IL5RA: variants seen among roughly 807,000 people sequenced by gnomAD.
The protein encoded by IL5RA is interleukin-5 receptor subunit alpha.
A neutral mutation model predicts 50.0 loss-of-function variants in IL5RA; 49 were observed. The ratio of observed to expected loss-of-function variants is 0.98; its 90% confidence interval spans 0.78 to 1.24. IL5RA has a LOEUF of 1.24. Ranked by LOEUF, IL5RA falls within the 50% of genes most tolerant of loss-of-function variation. The pLI is 0.00. For missense variants in IL5RA, 600 were observed against 500.4 expected (o/e 1.20, Z -1.90); for synonymous variants, 202 against 174.0 (o/e 1.16, Z -1.26).
chr3:3,083,452 T>G (rs1370054878), intron 9 of IL5RA, among the ~76,000 whole-genome samples: 1 of 152,116 alleles, frequency 6.6e-6, no homozygotes, highest in Non-Finnish European at 1.5e-5. Flanking sequence ...TGTGCATGCG[T>G]GTATTTGTGT....
At chr3:3,089,601 A>G (rs1385405943) in intron 9 of IL5RA, among the ~76,000 whole-genome samples, 1 of 151,862 alleles carries the variant, frequency 6.6e-6, no homozygotes, top group Non-Finnish European at 1.5e-5. Flanking sequence ...GATGGCATCC[A>G]CATGCTTGAT....
Position 3,081,734 on chromosome 3 carries a change from A to G in IL5RA, c.995-5107T>C, listed in dbSNP as rs142460727. 5.3e-3 allele frequency among the ~76,000 whole-genome samples: 807 copies of G among 152,348 alleles called. 6 individuals carry two copies. Among genetic ancestry groups the G allele is most frequent in the African/African-American group, 0.019 (778 of 41,578 alleles). ...AGATTCTCACTGAATTAGCAAAAAT[A>G]TAGAGGCAACCCTGATTTTATTTCA... On this transcript the variant is annotated intron_variant, in intron 9 of 11. Transcript: ENST00000446632.
intron 5 of IL5RA, among the ~76,000 whole-genome samples, chr3:3,100,565 TC>T (rs1230819001): frequency 1.3e-5 from 2 of 152,214 alleles, no homozygotes; most frequent in African/African-American, 4.8e-5. Flanking sequence ...ATAGTTCTCA[TC>T]CAAAGAATCA....
At chr3:3,090,573 T>TC (rs1253309852) in intron 9 of IL5RA, among the ~76,000 whole-genome samples, 28 of 147,888 alleles carry the variant, frequency 1.9e-4, no homozygotes, top group African/African-American at 6.5e-4. Context: ...TTTCTTTCTT[T>TC]TTTTTTTTTT....
intron 11 of IL5RA, among the ~76,000 whole-genome samples, chr3:3,070,600 T>C (rs1157733650): frequency 8.1e-6 from 1 of 123,050 alleles, no homozygotes; most frequent in South Asian, 2.9e-4. Flanking sequence ...TTTTTTTTTT[T>C]AGACAGAGTC....
intron 9 of IL5RA, among the ~76,000 whole-genome samples, chr3:3,081,637 C>T (rs933464759): frequency 2.0e-5 from 3 of 152,184 alleles, no homozygotes; most frequent in African/African-American, 7.2e-5. Context: ...TTTCTTCTGA[C>T]CATGATTACA....
chr3:3,083,363 A>G (rs1465051593), intron 9 of IL5RA, among the ~76,000 whole-genome samples: 2 of 152,236 alleles, frequency 1.3e-5, no homozygotes, highest in African/African-American at 2.4e-5. Flanking sequence ...CACTATGTTC[A>G]TCTGGTGGAA....
chr3:3,084,345 A>C (rs1367299796), intron 9 of IL5RA, among the ~76,000 whole-genome samples: 2 of 152,236 alleles, frequency 1.3e-5, no homozygotes, highest in African/African-American at 2.4e-5. Flanking sequence ...AATTCTAAAA[A>C]TGCAGAGAGA....
At position 3,101,888 on chromosome 3, in the gene IL5RA, A is replaced by G. The variant is rs1048933579; in HGVS notation, c.229-58T>C. ...AAAGAGAACTAGACTTAAGAGAGCT[A>G]TTTTAATCAAATATGCATTTTCTTC... On this transcript the variant is annotated intron_variant, in intron 4 of 11. Transcript: ENST00000446632. 8.3e-6 allele frequency: 12 copies of G among 1,445,914 alleles called. No homozygotes were observed. The East Asian group carries it at 2.5e-4, about 31-fold the overall frequency. The allele number at this position is 1,445,914 out of a possible 1,614,324, so 89.6% of individuals were successfully genotyped here.
intron 2 of IL5RA, 87 bp from the exon 3 acceptor site, chr3:3,105,074 G>A (rs544145249): frequency 2.4e-6 from 2 of 841,656 alleles, no homozygotes; most frequent in African/African-American, 1.7e-5. Flanking sequence ...AAATGCAGTC[G>A]TTTGGCCATT....
At chr3:3,101,621 T>A in intron 5 of IL5RA, 71 bp downstream of exon 5, 2 of 1,517,136 alleles carry the variant, frequency 1.3e-6, no homozygotes, top group Non-Finnish European at 1.8e-6. Context: ...TGGGTTAGTG[T>A]TAATTTTTCT....
Position 3,092,094 on chromosome 3 carries a change from C to A in IL5RA, c.994+130G>T. 4.2e-6 allele frequency: 6 copies of A among 1,445,602 alleles called. No homozygotes were observed. Among genetic ancestry groups the A allele is most frequent in the South Asian group, 1.5e-5 (1 of 64,894 alleles). The allele number at this position is 1,445,602 out of a possible 1,614,324, so 89.5% of individuals were successfully genotyped here. A position where few individuals can be genotyped will look rare whatever the true frequency, so the allele number is the denominator to read the frequency against. On this transcript the variant is annotated intron_variant, in intron 9 of 11. Transcript: ENST00000446632. The surrounding 1 kb of genome is among the most constrained non-coding windows in gnomAD (Gnocchi z 4.2). ...ATTCCTGATTGAAAAGGCAGTAGAC[C>A]GAGAGAAAATTAGTCACAATAGAGA...
intron 5 of IL5RA, among the ~76,000 whole-genome samples, chr3:3,098,869 G>C (rs963934434): frequency 6.6e-6 from 1 of 152,280 alleles, no homozygotes; most frequent in Middle Eastern, 3.4e-3. Flanking sequence ...AAGTTCAAGA[G>C]AAGTACAATA....
At chr3:3,073,991 C>G (rs1702389377) in intron 11 of IL5RA, among the ~76,000 whole-genome samples, 1 of 152,184 alleles carries the variant, frequency 6.6e-6, no homozygotes, top group East Asian at 1.9e-4. Context: ...ATAGAACCAA[C>G]TACATACAGC....
At position 3,101,600 on chromosome 3, in the gene IL5RA, C is replaced by G. The variant is rs897643483; in HGVS notation, c.367+92G>C. On this transcript the variant is annotated intron_variant, in intron 5 of 11. Transcript: ENST00000446632. ...GTACTTGAGAAGAACGGGTGACTGACTAAAGAAAAGTGGGTTAGTGTTAAT... is the reference window on the plus strand; with the variant it reads ...GTACTTGAGAAGAACGGGTGACTGAGTAAAGAAAAGTGGGTTAGTGTTAAT... 32 of 1,319,360 alleles carry G rather than the reference C, an allele frequency of 2.4e-5. No homozygotes were observed. In the Admixed American group the frequency reaches 3.7e-4, roughly 15 times the overall value. The allele number at this position is 1,319,360 out of a possible 1,614,324, so 81.7% of individuals were successfully genotyped here.
intron 11 of IL5RA, among the ~76,000 whole-genome samples, chr3:3,074,012 C>A (rs1702389903): frequency 6.6e-6 from 1 of 152,174 alleles, no homozygotes; most frequent in African/African-American, 2.4e-5. Context: ...AACTAATTTC[C>A]TACAGAAATG....
At chr3:3,109,794 T>C (rs376303575) in intron 1 of IL5RA, 151 bp downstream of exon 1, 1 of 152,350 alleles carries the variant, frequency 6.6e-6, no homozygotes, top group South Asian at 2.1e-4. Flanking sequence ...TAGAAGTCAT[T>C]GTTTCTTGCT....
intron 2 of IL5RA, among the ~76,000 whole-genome samples, 174 bp from the exon 3 acceptor site, chr3:3,105,161 G>T (rs1007868564): frequency 2.0e-5 from 3 of 152,174 alleles, no homozygotes; most frequent in Admixed American, 1.3e-4. Flanking sequence ...CCCTTCCAAT[G>T]TAGATTCATA....
chr3:3,092,723 T>C lies in IL5RA; in HGVS notation c.856-361A>G, dbSNP rs931613480. On this transcript the variant is annotated intron_variant, in intron 8 of 11. Transcript: ENST00000446632. The surrounding 1 kb of genome is among the most constrained non-coding windows in gnomAD (Gnocchi z 4.2). ...AATCTATAGTCACATTACTAAATAA[T>C]GTCACATGAACGCTAGATTGTCTAG... 6.6e-6 allele frequency among the ~76,000 whole-genome samples: 1 copy of C among 152,182 alleles called. No individual in the cohort carries two copies. The highest frequency in any genetic ancestry group is 1.5e-5 in the Non-Finnish European group (1 of 68,028).
Sources: gnomAD v4.1 joint callset for allele counts (sites outside exome capture counted in the v4.1 genomes callset) on GRCh38, gnomAD v4.1.1 for gene constraint, Gnocchi (gnomAD v3.1) non-coding constraint, MANE v1.5 for transcripts, NCBI Gene and HGNC (gene_info 2026-07-23, HGNC 2026-07-21) for gene names.